The following SMURF2 variants were observed in gnomAD, a reference collection of about 807,000 sequenced individuals.
SMURF2 encodes SMAD specific E3 ubiquitin protein ligase 2, also known as E3 ubiquitin-protein ligase SMURF2.
A neutral mutation model predicts 109.6 loss-of-function variants in SMURF2; 48 were observed. The observed-to-expected ratio is 0.44, with a 90% confidence interval of 0.35 to 0.56. The LOEUF (loss-of-function observed/expected upper bound fraction) is 0.56, where lower values mean the gene tolerates loss of function less well. Ranked by LOEUF, SMURF2 falls within the 20% of genes least tolerant of loss-of-function variation. SMURF2 has a pLI of 0.01. For missense variants in SMURF2, 575 were observed against 909.0 expected, an observed-to-expected ratio of 0.63 and a Z score of 4.72; for synonymous variants, 288 against 317.1, an observed-to-expected ratio of 0.91 and a Z score of 0.97.
At chr17:64,594,658 A>G (rs1479398324) in intron 3 of SMURF2, among the ~76,000 whole-genome samples, 2 of 152,158 alleles carry the variant, frequency 1.3e-5, no homozygotes, top group Non-Finnish European at 2.9e-5. Context: ...ATCAAGTATT[A>G]AGTAGCTGAA....
intron 13 of SMURF2, 80 bp from the exon 14 acceptor site, chr17:64,556,078 T>C: frequency 9.2e-7 from 1 of 1,088,428 alleles, no homozygotes; most frequent in Non-Finnish European, 1.3e-6. Context: ...TCAGCAACAT[T>C]AATCTTTTTG....
chr17:64,574,970 A>C (rs1969468324), intron 9 of SMURF2, among the ~76,000 whole-genome samples: 1 of 152,162 alleles, frequency 6.6e-6, no homozygotes, highest in Non-Finnish European at 1.5e-5. Context: ...ATTTCCTACA[A>C]GTAATTTCTA....
intron 1 of SMURF2, among the ~76,000 whole-genome samples, chr17:64,612,331 T>A (rs1049512049): frequency 8.5e-5 from 13 of 152,186 alleles, no homozygotes; most frequent in East Asian, 1.9e-4. Flanking sequence ...TTATACTATA[T>A]AACAATGGCC....
rs782548712 is a variant in SMURF2, at chr17:64,544,409, AATT to A, written c.*1436_*1438del. ...TTGATAACTTTAAATTTTGCAGCTT[AATT>A]ATCATGAAAATTTGCTTATTTCACA... On this transcript the variant is annotated 3_prime_UTR_variant, in exon 19 of 19. Transcript: ENST00000262435. 2 of 151,468 alleles carry A rather than the reference AATT, an allele frequency of 1.3e-5. No individual in the cohort carries two copies. Among genetic ancestry groups the A allele is most frequent in the Admixed American group, 6.6e-5 (1 of 15,220 alleles). The allele number at this position is 151,468 out of a possible 1,614,324, so 9.4% of individuals were successfully genotyped here.
At chr17:64,563,132 T>TA in intron 10 of SMURF2, 166 bp from the exon 11 acceptor site, 1 of 553,482 alleles carries the variant, frequency 1.8e-6, no homozygotes, top group Non-Finnish European at 3.1e-6. Context: ...ATAAACCAGC[T>TA]ACAAAGTTTA....
chr17:64,646,692 T>A (rs7218639), intron 1 of SMURF2, among the ~76,000 whole-genome samples: 7,630 of 152,256 alleles, frequency 0.05, 322 homozygotes, highest in African/African-American at 0.11. Flanking sequence ...CTATAAAAAT[T>A]ATTTTTAATG....
chr17:64,611,260 A>T (rs1555689547), intron 1 of SMURF2, among the ~76,000 whole-genome samples: 2 of 152,136 alleles, frequency 1.3e-5, no homozygotes, highest in African/African-American at 4.8e-5. Flanking sequence ...AGCTTAATAG[A>T]TTGACAGAAC....
intron 1 of SMURF2, among the ~76,000 whole-genome samples, chr17:64,611,036 C>T (rs368928240): frequency 3.9e-5 from 6 of 152,338 alleles, no homozygotes; most frequent in South Asian, 2.1e-4. Context: ...TGGTTCTACA[C>T]GGCATAAAAC....
chr17:64,615,307 CAA>C (rs1197151679), intron 1 of SMURF2, among the ~76,000 whole-genome samples: 1 of 152,126 alleles, frequency 6.6e-6, no homozygotes, highest in African/African-American at 2.4e-5. Flanking sequence ...CTTCACCCCA[CAA>C]AAAGATTTTA....
chr17:64,593,429 T>A lies in SMURF2; in HGVS notation c.334+11A>T. On this transcript the variant is annotated intron_variant, in intron 4 of 18. Transcript: ENST00000262435. ...TGTTTTTTAATTGGAAAAGCACTCG[T>A]ATCTACTCACAACCAGTGTCTTTGA... 1 of 1,602,372 alleles carries A rather than the reference T, an allele frequency of 6.2e-7. No homozygotes were observed.
chr17:64,553,845 A>T (rs963540570), intron 15 of SMURF2, among the ~76,000 whole-genome samples: 1 of 152,186 alleles, frequency 6.6e-6, no homozygotes, highest in East Asian at 1.9e-4. Context: ...TGTTCACTCC[A>T]ATCAAGTGGA....
At chr17:64,570,323 A>G (rs539808610) in intron 10 of SMURF2, among the ~76,000 whole-genome samples, 1 of 152,256 alleles carries the variant, frequency 6.6e-6, no homozygotes, top group Non-Finnish European at 1.5e-5. Context: ...CCATTCATTT[A>G]GAGAAGCTAA....
At chr17:64,566,506 A>G (rs1310453305) in intron 10 of SMURF2, among the ~76,000 whole-genome samples, 2 of 131,704 alleles carry the variant, frequency 1.5e-5, no homozygotes, top group African/African-American at 8.7e-5. Flanking sequence ...CCTTAAGAAG[A>G]AAAAAACAAA....
At chr17:64,642,805 T>C (rs1404961551) in intron 1 of SMURF2, among the ~76,000 whole-genome samples, 1 of 152,008 alleles carries the variant, frequency 6.6e-6, no homozygotes, top group African/African-American at 2.4e-5. Context: ...TTTATTTATT[T>C]ATTTTTTGAG....
At chr17:64,639,328 G>A (rs1970463306) in intron 1 of SMURF2, among the ~76,000 whole-genome samples, 1 of 152,128 alleles carries the variant, frequency 6.6e-6, no homozygotes, top group African/African-American at 2.4e-5. Context: ...TGTAATCCCA[G>A]CACTTTGGGA....
intron 1 of SMURF2, among the ~76,000 whole-genome samples, chr17:64,625,829 G>C (rs1555691115): frequency 6.6e-6 from 1 of 152,108 alleles, no homozygotes; most frequent in Non-Finnish European, 1.5e-5. Flanking sequence ...TCTACTTTTA[G>C]GGGAATGAGA....
intron 1 of SMURF2, among the ~76,000 whole-genome samples, chr17:64,607,258 T>C (rs1338004360): frequency 6.6e-6 from 1 of 152,160 alleles, no homozygotes; most frequent in East Asian, 1.9e-4. Flanking sequence ...CAAGTTAATA[T>C]GCATTAAATT....
At chr17:64,576,767 C>T (rs77890766) in intron 9 of SMURF2, among the ~76,000 whole-genome samples, 8,230 of 150,082 alleles carry the variant, frequency 0.055, 387 homozygotes, top group African/African-American at 0.13. Context: ...TTAAATTTTT[C>T]AAAGATTTTT....
intron 10 of SMURF2, chr17:64,563,258 T>C (rs556496289): frequency 4.7e-6 from 1 of 211,078 alleles, no homozygotes; most frequent in Admixed American, 5.4e-5. Context: ...CCCTACAGAG[T>C]TTACCATCAC....
Sources: gnomAD v4.1 joint callset for allele counts (sites outside exome capture counted in the v4.1 genomes callset) on GRCh38, gnomAD v4.1.1 for gene constraint, MANE v1.5 for transcripts, NCBI Gene and HGNC (gene_info 2026-07-23, HGNC 2026-07-21) for gene names.